Variants in HDAC4 observed in about 807,000 individuals in gnomAD.
HDAC4 encodes the protein histone deacetylase 4, also known as histone deacetylase A.
HDAC4 carries 16 observed loss-of-function variants against 135.1 expected under a neutral mutation model. The ratio of observed to expected loss-of-function variants is 0.12; its 90% CI spans 0.08 to 0.18. HDAC4 has a LOEUF of 0.18. HDAC4 is among the 10% of genes least tolerant of loss of function. The pLI, the probability that HDAC4 is intolerant of heterozygous loss-of-function variation, is 1.00. For synonymous variants in HDAC4, 685 were observed against 653.4 expected (o/e 1.05, Z -0.74); for missense variants, 1,143 against 1,511.8 (o/e 0.76, Z 4.05).
intron 22 of HDAC4, among the ~76,000 whole-genome samples, chr2:239,071,132 G>A (rs960221947): frequency 2.6e-5 from 4 of 151,868 alleles, no homozygotes; most frequent in African/African-American, 9.7e-5. Context: ...GGCGGAGGGA[G>A]GGGTGCTGGG....
intron 2 of HDAC4, among the ~76,000 whole-genome samples, chr2:239,290,697 C>A (rs894779540): frequency 6.6e-6 from 1 of 152,050 alleles, no homozygotes; most frequent in Non-Finnish European, 1.5e-5. Context: ...CATGCACACA[C>A]ACGCACGCAC....
intron 1 of HDAC4, among the ~76,000 whole-genome samples, chr2:239,389,963 G>A (rs1201633840): frequency 6.6e-6 from 1 of 152,212 alleles, no homozygotes; most frequent in African/African-American, 2.4e-5. Context: ...CTAAGACAAA[G>A]ATGCTGTCCT....
intron 2 of HDAC4, among the ~76,000 whole-genome samples, chr2:239,263,763 G>C (rs901773390): frequency 6.6e-6 from 1 of 152,222 alleles, no homozygotes; most frequent in Non-Finnish European, 1.5e-5. Context: ...GGGGGACAGA[G>C]CCCAGTGCTG....
At chr2:239,125,276 G>A (rs2040099180) in intron 12 of HDAC4, among the ~76,000 whole-genome samples, 1 of 152,190 alleles carries the variant, frequency 6.6e-6, no homozygotes, top group African/African-American at 2.4e-5. Context: ...GTGGGTTCTG[G>A]TGAGGTCTGG....
intron 22 of HDAC4, among the ~76,000 whole-genome samples, chr2:239,071,547 C>A (rs2034200161): frequency 6.6e-6 from 1 of 152,292 alleles, no homozygotes; most frequent in South Asian, 2.1e-4. Flanking sequence ...AGGCAACATG[C>A]CTTGGGCATT....
intron 2 of HDAC4, among the ~76,000 whole-genome samples, chr2:239,275,632 C>G (rs1391362610): frequency 2.0e-5 from 3 of 152,084 alleles, no homozygotes; most frequent in Non-Finnish European, 4.4e-5. Flanking sequence ...TGTGTGTGTG[C>G]GGGTGGCACA....
chr2:239,260,818 T>A (rs2049317702), intron 2 of HDAC4, among the ~76,000 whole-genome samples: 1 of 152,148 alleles, frequency 6.6e-6, no homozygotes, highest in Non-Finnish European at 1.5e-5. Context: ...GCGGCTCACA[T>A]TGCATTGTGC....
At chr2:239,319,564 A>ACC (rs1331973640) in intron 2 of HDAC4, among the ~76,000 whole-genome samples, 4 of 152,166 alleles carry the variant, frequency 2.6e-5, no homozygotes, top group African/African-American at 9.7e-5. Flanking sequence ...CTTACCCGTG[A>ACC]CCCGGCACTC....
chr2:239,120,729 A>G (rs2039610272), intron 12 of HDAC4, among the ~76,000 whole-genome samples: 1 of 151,934 alleles, frequency 6.6e-6, no homozygotes, highest in Non-Finnish European at 1.5e-5. Flanking sequence ...TTTCTTTAGC[A>G]GCCCAGGGGC....
Position 239,051,635 on chromosome 2 carries a change from A to G in HDAC4, c.*1462T>C, listed in dbSNP as rs1332257338. The G allele has an allele frequency of 6.6e-6, 1 of 152,620 alleles. No homozygotes were observed. Among genetic ancestry groups the G allele is most frequent in the Non-Finnish European group, 1.5e-5 (1 of 68,046 alleles). 9.5% of individuals were successfully genotyped at this position (152,620 alleles called of 1,614,324 possible). ...TACATATGTGCATGAAGGCTTGGAG[A>G]CGGGAGCGGTTCTGTTAGAAAATAA... On this transcript the variant is annotated 3_prime_UTR_variant, in exon 27 of 27. Transcript: ENST00000543185.
At chr2:239,335,496 G>C (rs1185406306) in intron 2 of HDAC4, among the ~76,000 whole-genome samples, 1 of 112,992 alleles carries the variant, frequency 8.9e-6, no homozygotes, top group East Asian at 2.9e-4. Context: ...AAAATTAAGA[G>C]CATCTGTTCA....
At chr2:239,294,149 C>T (rs763515155) in intron 2 of HDAC4, among the ~76,000 whole-genome samples, 18 of 152,186 alleles carry the variant, frequency 1.2e-4, no homozygotes, top group African/African-American at 3.4e-4. Flanking sequence ...AGTGCAGGGT[C>T]GCTGAGGCGT....
At chr2:239,053,396 A>G (rs1400911754) in intron 26 of HDAC4, 64 bp downstream of exon 26, 15 of 1,581,004 alleles carry the variant, frequency 9.5e-6, no homozygotes, top group Admixed American at 8.5e-5. Context: ...GACCCTGAAT[A>G]GTGTGTCAGT....
At chr2:239,209,839 T>C (rs898675627) in intron 3 of HDAC4, among the ~76,000 whole-genome samples, 1 of 151,994 alleles carries the variant, frequency 6.6e-6, no homozygotes, top group Non-Finnish European at 1.5e-5. Flanking sequence ...AAGGTATGAA[T>C]GGGTTGGTCA....
chr2:239,388,793 G>A (rs1413467962), intron 1 of HDAC4, among the ~76,000 whole-genome samples: 1 of 152,242 alleles, frequency 6.6e-6, no homozygotes, highest in African/African-American at 2.4e-5. Context: ...CATCAGCGGA[G>A]GGAGTGTGTG....
chr2:239,251,280 G>T (rs544939461), intron 2 of HDAC4, among the ~76,000 whole-genome samples: 1 of 152,168 alleles, frequency 6.6e-6, no homozygotes, highest in Non-Finnish European at 1.5e-5. Flanking sequence ...AGCTAGCGTC[G>T]TGGGTGATCT....
intron 15 of HDAC4, among the ~76,000 whole-genome samples, chr2:239,106,497 T>C (rs1044286193): frequency 2.6e-5 from 4 of 152,096 alleles, no homozygotes; most frequent in African/African-American, 7.2e-5. Flanking sequence ...TGCTGGGCAA[T>C]GCTGCCCTCC....
chr2:239,382,523 C>T (rs1157469571), intron 1 of HDAC4, among the ~76,000 whole-genome samples: 1 of 152,194 alleles, frequency 6.6e-6, no homozygotes, highest in Non-Finnish European at 1.5e-5. Flanking sequence ...GTAGGACCAC[C>T]CAGAGTGACC....
Position 239,245,150 on chromosome 2 carries a change from T to C in HDAC4, c.23-8486A>G, listed in dbSNP as rs1309932335. On this transcript the variant is annotated intron_variant, in intron 2 of 26. Transcript: ENST00000543185. This position sits in a 1 kb window ranked among gnomAD's most constrained non-coding sequence, Gnocchi z 4.4. The stretch of plus-strand genomic sequence containing the variant: ...CCTAAGCAATATTTTTCCTTCAGGG[T>C]AATCAGGCAGTCTTAAAATGTCAAG... Among the ~76,000 whole-genome samples the C allele has an allele frequency of 1.3e-5, 2 of 152,214 alleles. No homozygotes were observed. The highest frequency in any genetic ancestry group is 6.5e-5 in the Admixed American group (1 of 15,286).
Sources: allele counts gnomAD v4.1 joint callset (sites outside exome capture counted in the v4.1 genomes callset), GRCh38; gene constraint gnomAD v4.1.1; non-coding constraint Gnocchi (gnomAD v3.1); transcripts MANE v1.5; gene names NCBI Gene and HGNC (gene_info 2026-07-23, HGNC 2026-07-21).